The following LPCAT1 variants were observed in gnomAD, a reference collection of about 807,000 sequenced individuals.
The protein encoded by LPCAT1 is lysophosphatidylcholine acyltransferase 1, also known as 1-acylglycerol-3-phosphate O-acyltransferase.
In LPCAT1, 23 loss-of-function variants were observed where a neutral mutation model predicts 60.9. The ratio of observed to expected loss-of-function variants is 0.38; its 90% CI spans 0.27 to 0.53. The LOEUF (loss-of-function observed/expected upper bound fraction) is 0.53, where lower values mean the gene tolerates loss of function less well. Among genes scored for constraint, LPCAT1 ranks in the 20% least tolerant of loss-of-function variants. The pLI, the probability that LPCAT1 is intolerant of heterozygous loss-of-function variation, is 0.82. For synonymous variants in LPCAT1, 340 were observed against 301.1 expected, an observed-to-expected ratio of 1.13 and a Z score of -1.34; for missense variants, 622 against 723.6, an observed-to-expected ratio of 0.86 and a Z score of 1.61.
At chr5:1,484,046 G>T (rs1043242328) in intron 5 of LPCAT1, among the ~76,000 whole-genome samples, 1 of 152,184 alleles carries the variant, frequency 6.6e-6, no homozygotes, top group African/African-American at 2.4e-5. Flanking sequence ...CACCTGCCTC[G>T]GGGCCCCACC....
At chr5:1,503,803 T>G (rs1258022148) in intron 1 of LPCAT1, among the ~76,000 whole-genome samples, 2 of 151,012 alleles carry the variant, frequency 1.3e-5, no homozygotes, top group Non-Finnish European at 2.9e-5. Flanking sequence ...TTTTGGCATA[T>G]TTTTCCCTCC....
Position 1,501,413 on chromosome 5 carries a change from C to G in LPCAT1, c.278+48G>C, listed in dbSNP as rs760222166. 7 of 1,559,424 alleles carry G rather than the reference C, an allele frequency of 4.5e-6. No homozygotes were observed. The African/African-American group carries it at 6.8e-5, about 15-fold the overall frequency. ...GTGAGAATGGGTTCCCACTGTTTGG[C>G]CGCGTGACCCCCCCCCAGGAGGAGA... On this transcript the variant is annotated intron_variant, in intron 2 of 13. Transcript: ENST00000283415.
In LPCAT1 at chr5:1,518,907, C is replaced by T. The variant is rs185522183; in HGVS notation, c.135+4803G>A. Among the ~76,000 whole-genome samples the T allele has an allele frequency of 4.6e-5, 7 of 152,376 alleles. No homozygotes were observed. In the South Asian group the frequency reaches 1.0e-3, roughly 23 times the overall value. On this transcript the variant is annotated intron_variant, in intron 1 of 13. Coordinates refer to ENST00000283415, the MANE Select transcript of LPCAT1 (RefSeq NM_024830.5). ...CTGGGTGTCATCTCCTGTCTGGGAACGGAAAGGTGTTGTCTCACTTGGGCT... is the reference window on the plus strand; with the variant it reads ...CTGGGTGTCATCTCCTGTCTGGGAATGGAAAGGTGTTGTCTCACTTGGGCT...
chr5:1,501,632 G>A (rs774198677), intron 1 of LPCAT1, 29 bp from the exon 2 acceptor site: 24 of 1,612,140 alleles, frequency 1.5e-5, no homozygotes, highest in Non-Finnish European at 1.8e-5. Flanking sequence ...ATTATCCAGA[G>A]AATCCATGTA....
chr5:1,488,462 G>A lies in LPCAT1; in HGVS notation c.607-11C>T, dbSNP rs746774651. On this transcript the variant is annotated splice_polypyrimidine_tract_variant and intron_variant, in intron 4 of 13. Transcript: ENST00000283415. ...TGGAAAAATCATTATCTGGAAGTGG[G>A]AGAAAGAAAAGGATCAGCATTAAAC... 6.3e-6 allele frequency: 10 copies of A among 1,578,734 alleles called. No homozygotes were observed. The highest frequency in any genetic ancestry group is 6.9e-6 in the Non-Finnish European group (8 of 1,157,286).
At position 1,494,761 on chromosome 5, in the gene LPCAT1, C is replaced by T. The variant is rs371708746; in HGVS notation, c.432G>A (p.Val144=). Residue 144 remains valine, a synonymous_variant, in exon 3 of 14, where the codon GTG becomes GTA. Transcript: ENST00000283415. ...PHSSYFDAIP[V]TMTMSSIVMK... ...TCACGATGGAGGACATCGTCATGGT[C>T]ACAGGGATGGCGTCGAAGTAGGACG... 1.2e-6 allele frequency: 2 copies of T among 1,614,104 alleles called. No individual in the cohort carries two copies. Among genetic ancestry groups the T allele is most frequent in the African/African-American group, 2.7e-5 (2 of 74,948 alleles).
At position 1,495,950 on chromosome 5, in the gene LPCAT1, A is replaced by G. The variant is rs775494044; in HGVS notation, c.279-1036T>C. Reference sequence around the variant, plus strand: ...GGCCTTTGTGTATGCGATGATAAACAATGGTGTAGTTACACATGGAGATGC... The same window carrying G: ...GGCCTTTGTGTATGCGATGATAAACGATGGTGTAGTTACACATGGAGATGC... On this transcript the variant is annotated intron_variant, in intron 2 of 13. Transcript: ENST00000283415. The surrounding 1 kb of genome is among the most constrained non-coding windows in gnomAD (Gnocchi z 4.7). Among the ~76,000 whole-genome samples the G allele has an allele frequency of 5.3e-5, 8 of 152,236 alleles. No homozygotes were observed. The highest frequency in any genetic ancestry group is 1.3e-4 in the Admixed American group (2 of 15,286).
Position 1,502,707 on chromosome 5 carries a change from A to T in LPCAT1, c.136-1104T>A, listed in dbSNP as rs1276367937. ...AGGTGCAGGTTTAGTGCAGAGACAG[A>T]AAAGACCCAGGAGACACAGATCGCA... On this transcript the variant is annotated intron_variant, in intron 1 of 13. Transcript: ENST00000283415. This position sits in a 1 kb window ranked among gnomAD's most constrained non-coding sequence, Gnocchi z 5.5. Among the ~76,000 whole-genome samples, 1 of 152,088 alleles carries T rather than the reference A, an allele frequency of 6.6e-6. No homozygotes were observed. The highest frequency in any genetic ancestry group is 1.5e-5 in the Non-Finnish European group (1 of 68,014).
intron 5 of LPCAT1, among the ~76,000 whole-genome samples, chr5:1,484,175 CCAA>C (rs1735283008): frequency 6.6e-6 from 1 of 152,224 alleles, no homozygotes; most frequent in Admixed American, 6.5e-5. Flanking sequence ...TGATGGGCTC[CCAA>C]GGAATCAGGA....
At chr5:1,471,770 G>T (rs1345569688) in intron 11 of LPCAT1, among the ~76,000 whole-genome samples, 1 of 151,854 alleles carries the variant, frequency 6.6e-6, no homozygotes, top group Non-Finnish European at 1.5e-5. Context: ...ACAGGATAGG[G>T]GGGAGGACTC....
rs754959816 is a variant in LPCAT1, at chr5:1,480,989, A to C, written c.727-13T>G. On this transcript the variant is annotated splice_polypyrimidine_tract_variant and intron_variant, in intron 6 of 13. Coordinates refer to ENST00000283415, the MANE Select transcript of LPCAT1 (RefSeq NM_024830.5). The surrounding 1 kb of genome is among the most constrained non-coding windows in gnomAD (Gnocchi z 6.4). ...ATGTGATGGTGTCCTGGGGAGGAAG[A>C]GGCAGGGTCAGTCAGCATGGGGCCT... is the stretch of plus-strand genomic sequence containing the variant. 1.2e-6 allele frequency: 2 copies of C among 1,613,426 alleles called. No individual in the cohort carries two copies. The highest frequency in any genetic ancestry group is 2.7e-5 in the African/African-American group (2 of 74,910).
At chr5:1,507,034 C>T (rs961186836) in intron 1 of LPCAT1, among the ~76,000 whole-genome samples, 5 of 152,178 alleles carry the variant, frequency 3.3e-5, no homozygotes, top group African/African-American at 9.7e-5. Flanking sequence ...CGGGCTGTTG[C>T]GTGGACAAGG....
intron 2 of LPCAT1, among the ~76,000 whole-genome samples, chr5:1,501,006 G>A (rs1273725884): frequency 6.6e-6 from 1 of 152,178 alleles, no homozygotes. Context: ...TCCACTCACA[G>A]CCTGAGGGTC....
intron 3 of LPCAT1, among the ~76,000 whole-genome samples, chr5:1,494,311 A>T (rs527771384): frequency 6.6e-6 from 1 of 152,372 alleles, no homozygotes; most frequent in South Asian, 2.1e-4. Context: ...AATAAAAATA[A>T]CAATTACAAC....
At chr5:1,519,415 T>C (rs572894045) in intron 1 of LPCAT1, among the ~76,000 whole-genome samples, 1 of 152,390 alleles carries the variant, frequency 6.6e-6, no homozygotes, top group East Asian at 1.9e-4. Context: ...TAAAGTCTTT[T>C]CCGATTTTGA....
intron 2 of LPCAT1, among the ~76,000 whole-genome samples, 161 bp downstream of exon 2, chr5:1,501,300 A>C (rs537612440): frequency 1.3e-5 from 2 of 152,308 alleles, no homozygotes; most frequent in South Asian, 4.1e-4. Context: ...GAGGTGGCCG[A>C]GTCCCCACTG....
At chr5:1,520,467 C>T (rs536966682) in intron 1 of LPCAT1, among the ~76,000 whole-genome samples, 4 of 152,278 alleles carry the variant, frequency 2.6e-5, no homozygotes, top group African/African-American at 9.6e-5. Context: ...GACAGCAACG[C>T]CCGTCCAAGG....
intron 1 of LPCAT1, among the ~76,000 whole-genome samples, chr5:1,506,937 ACAGAAGCC>A (rs1321399244): frequency 1.3e-5 from 2 of 152,158 alleles, no homozygotes; most frequent in African/African-American, 4.8e-5. Flanking sequence ...AGAGGCTTCC[ACAGAAGCC>A]CCCTTGGCAC....
chr5:1,505,959 C>T (rs552742958), intron 1 of LPCAT1, among the ~76,000 whole-genome samples: 3 of 152,394 alleles, frequency 2.0e-5, no homozygotes, highest in South Asian at 4.1e-4. Flanking sequence ...GACCATGTGA[C>T]CCTCAGCCCA....
Sources: allele counts gnomAD v4.1 joint callset (sites outside exome capture counted in the v4.1 genomes callset), GRCh38; gene constraint gnomAD v4.1.1; non-coding constraint Gnocchi (gnomAD v3.1); transcripts MANE v1.5; gene names NCBI Gene and HGNC (gene_info 2026-07-23, HGNC 2026-07-21).